ZBTB38: variants seen among roughly 807,000 people sequenced by gnomAD.
The protein encoded by ZBTB38 is zinc finger and BTB domain-containing protein 38.
A neutral mutation model predicts 76.8 loss-of-function variants in ZBTB38; 20 were observed. The ratio of observed to expected loss-of-function variants is 0.26; its 90% confidence interval spans 0.18 to 0.38. The LOEUF (loss-of-function observed/expected upper bound fraction) is 0.38, where lower values mean the gene tolerates loss of function less well. Among genes scored for constraint, ZBTB38 ranks in the 10% least tolerant of loss-of-function variants. The pLI is 1.00. For missense variants in ZBTB38, 1,082 were observed against 1,482.3 expected, an observed-to-expected ratio of 0.73 and a Z score of 4.43; for synonymous variants, 504 against 544.2, an observed-to-expected ratio of 0.93 and a Z score of 1.03.
intron 4 of ZBTB38, chr3:141,402,412 C>T (rs1952401147): frequency 6.6e-6 from 1 of 151,512 alleles, no homozygotes; most frequent in African/African-American, 2.4e-5. Flanking sequence ...ACCATGGACC[C>T]CCGGGGAAAC....
intron 2 of ZBTB38, among the ~76,000 whole-genome samples, chr3:141,378,724 G>A (rs1372999469): frequency 6.6e-6 from 1 of 152,048 alleles, no homozygotes; most frequent in Admixed American, 6.6e-5. Flanking sequence ...GCTGGCTTTG[G>A]CCGCACCCTC....
chr3:141,445,301 T>G lies in ZBTB38; in HGVS notation c.2913T>G (p.Phe971Leu), dbSNP rs1425185004. The G allele has an allele frequency of 1.2e-6, 2 of 1,614,090 alleles. No individual in the cohort carries two copies. The highest frequency in any genetic ancestry group is 1.7e-6 in the Non-Finnish European group (2 of 1,180,014). ...AVGKAPQDKP[F>L]EEEETKEMPK... ...GGAAGGCTCCTCAGGATAAACCCTT[T>G]GAGGAAGAAGAAACTAAAGAGATGC... The change falls in exon 6 of 6, where the codon TTT becomes TTG. Residue 971 changes from phenylalanine to leucine, a missense_variant. Around this residue, in one of 8 missense-constraint regions of ZBTB38, gnomAD observed 471 missense variants for 581.0 expected, o/e 0.81. Coordinates refer to ENST00000321464, the MANE Select transcript of ZBTB38 (RefSeq NM_001376113.1). The surrounding 1 kb of genome is among the most constrained non-coding windows in gnomAD (Gnocchi z 6.5).
chr3:141,436,495 C>T (rs929091648), intron 5 of ZBTB38, among the ~76,000 whole-genome samples: 12 of 151,904 alleles, frequency 7.9e-5, no homozygotes, highest in African/African-American at 2.4e-4. Flanking sequence ...TCAAAAAAAG[C>T]TATATTGATT....
intron 4 of ZBTB38, among the ~76,000 whole-genome samples, chr3:141,394,034 C>T (rs1407171469): frequency 1.5e-4 from 21 of 140,908 alleles, no homozygotes; most frequent in African/African-American, 4.6e-4. Context: ...TTTTTTGAAA[C>T]GGAGTCTTGT....
chr3:141,447,366 A>G lies in ZBTB38; in HGVS notation c.*1390A>G, dbSNP rs1458262908. 1 of 152,588 alleles carries G rather than the reference A, an allele frequency of 6.6e-6. No individual in the cohort carries two copies. The highest frequency in any genetic ancestry group is 1.9e-4 in the East Asian group (1 of 5,194). 9.5% of individuals were successfully genotyped at this position (152,588 alleles called of 1,614,324 possible). A position where few individuals can be genotyped will look rare whatever the true frequency, so the allele number is the denominator to read the frequency against. ...ATGCTCTGTCTTCATATTTGCAGACATCTAGACCCCTTGCTAAAAACCCAC... is the reference window on the plus strand; with the variant it reads ...ATGCTCTGTCTTCATATTTGCAGACGTCTAGACCCCTTGCTAAAAACCCAC... On this transcript the variant is annotated 3_prime_UTR_variant, in exon 6 of 6. Transcript: ENST00000321464.
Position 141,446,144 on chromosome 3 carries a change from GT to G in ZBTB38, c.*172del. On this transcript the variant is annotated 3_prime_UTR_variant, in exon 6 of 6. Coordinates refer to ENST00000321464, the MANE Select transcript of ZBTB38 (RefSeq NM_001376113.1). Reference sequence around the variant, plus strand: ...AAAAGGATCCTAATATCTACTTTGGGTTTTAGCATTAACTTTATGCAAAGTG... The same window carrying G: ...AAAAGGATCCTAATATCTACTTTGGGTTTAGCATTAACTTTATGCAAAGTG... The G allele has an allele frequency of 1.6e-6, 1 of 612,276 alleles. No individual in the cohort carries two copies. Among genetic ancestry groups the G allele is most frequent in the Non-Finnish European group, 2.5e-6 (1 of 396,448 alleles). The allele number at this position is 612,276 out of a possible 1,614,324, so 37.9% of individuals were successfully genotyped here.
intron 1 of ZBTB38, 54 bp from the exon 2 acceptor site, chr3:141,369,818 A>G (rs180748209): frequency 6.6e-6 from 1 of 152,286 alleles, no homozygotes; most frequent in East Asian, 1.9e-4. Context: ...ACACACTAAA[A>G]TATCTGTTTT....
At chr3:141,398,524 T>C (rs542891176) in intron 4 of ZBTB38, among the ~76,000 whole-genome samples, 7 of 152,310 alleles carry the variant, frequency 4.6e-5, no homozygotes, top group African/African-American at 1.7e-4. Flanking sequence ...TTTATTAACA[T>C]AACCTTTTAA....
chr3:141,332,053 T>G (rs1942872088), intron 1 of ZBTB38, among the ~76,000 whole-genome samples: 1 of 152,214 alleles, frequency 6.6e-6, no homozygotes, highest in Admixed American at 6.5e-5. Flanking sequence ...TTCTGACCCT[T>G]GGCCTTTCCT....
chr3:141,375,997 A>G (rs964543106), intron 2 of ZBTB38, among the ~76,000 whole-genome samples: 1 of 152,198 alleles, frequency 6.6e-6, no homozygotes, highest in Non-Finnish European at 1.5e-5. Flanking sequence ...TTATAGCAAC[A>G]AAAAACCATT....
chr3:141,445,542 A>G lies in ZBTB38; in HGVS notation c.3154A>G (p.Asn1052Asp). 1 of 1,614,236 alleles carries G rather than the reference A, an allele frequency of 6.2e-7. No homozygotes were observed. Among genetic ancestry groups the G allele is most frequent in the Non-Finnish European group, 8.5e-7 (1 of 1,180,050 alleles). ...TCGRCFSVQG[N>D]LQKHERIHLG... is the part of the protein sequence containing the mutation. ...CGGACGGTGCTTTTCGGTGCAAGGA[A>G]ACTTACAGAAACATGAACGCATCCA... The change falls in exon 6 of 6, where the codon AAC becomes GAC. Residue 1052 changes from asparagine (N) to aspartate (D), a missense_variant. By Grantham distance (23) the Asn-to-Asp change is conservative (BLOSUM62 1). Coordinates refer to ENST00000321464, the MANE Select transcript of ZBTB38 (RefSeq NM_001376113.1). The surrounding 1 kb of genome is among the most constrained non-coding windows in gnomAD (Gnocchi z 6.5).
intron 1 of ZBTB38, among the ~76,000 whole-genome samples, chr3:141,356,521 C>G (rs1310113268): frequency 1.3e-5 from 2 of 152,160 alleles, no homozygotes; most frequent in African/African-American, 4.8e-5. Context: ...CAATTCTGTA[C>G]TACATCTAAC....
intron 5 of ZBTB38, among the ~76,000 whole-genome samples, chr3:141,404,725 C>T (rs1384201783): frequency 1.3e-5 from 2 of 152,112 alleles, no homozygotes; most frequent in Non-Finnish European, 2.9e-5. Flanking sequence ...GAAGAATAGG[C>T]GTAAAGGATT....
At chr3:141,353,920 A>G (rs185819828) in intron 1 of ZBTB38, among the ~76,000 whole-genome samples, 53 of 152,280 alleles carry the variant, frequency 3.5e-4, no homozygotes, top group Non-Finnish European at 7.4e-4. Context: ...GCAGAACAAC[A>G]TGATCATCAG....
chr3:141,392,368 C>T (rs925803000), intron 4 of ZBTB38, among the ~76,000 whole-genome samples: 2 of 152,170 alleles, frequency 1.3e-5, no homozygotes, highest in African/African-American at 2.4e-5. Context: ...CTGCTATAAG[C>T]CAAGCAGAAT....
chr3:141,402,473 C>G (rs1320132317), intron 4 of ZBTB38: 3 of 149,808 alleles, frequency 2.0e-5, no homozygotes, highest in Admixed American at 2.0e-4. Flanking sequence ...GCAGGGTCTT[C>G]GCGGGGCCGG....
chr3:141,447,676 G>C lies in ZBTB38; in HGVS notation c.*1700G>C, dbSNP rs542274923. Reference sequence around the variant, plus strand: ...TATCGAAGATTGGAAGGTTATCATTGTGAAGAAGTAGCTCAAAGGACTCCG... The same window carrying C: ...TATCGAAGATTGGAAGGTTATCATTCTGAAGAAGTAGCTCAAAGGACTCCG... On this transcript the variant is annotated 3_prime_UTR_variant, in exon 6 of 6. Transcript: ENST00000321464. 2 of 152,246 alleles carry C rather than the reference G, an allele frequency of 1.3e-5. No individual in the cohort carries two copies. The highest frequency in any genetic ancestry group is 2.9e-5 in the Non-Finnish European group (2 of 68,040). The allele number at this position is 152,246 out of a possible 1,614,324, so 9.4% of individuals were successfully genotyped here.
intron 1 of ZBTB38, among the ~76,000 whole-genome samples, chr3:141,332,168 C>T (rs1336727798): frequency 1.3e-5 from 2 of 152,114 alleles, no homozygotes; most frequent in African/African-American, 4.8e-5. Context: ...TCATTCAGGG[C>T]TCTTGATGGC....
rs752028395 is a variant in ZBTB38 at position 141,443,743 on chromosome 3, A to C, written c.1355A>C (p.Lys452Thr). 2.5e-6 allele frequency: 4 copies of C among 1,613,832 alleles called. No individual in the cohort carries two copies. The highest frequency in any genetic ancestry group is 3.4e-6 in the Non-Finnish European group (4 of 1,180,052). Residue 452 changes from lysine to threonine, a missense_variant, in exon 6 of 6, where the codon AAA becomes ACA. Physicochemically the swap from Lys to Thr is moderately conservative, Grantham distance 78 (BLOSUM62 -1). Coordinates refer to ENST00000321464, the MANE Select transcript of ZBTB38 (RefSeq NM_001376113.1). This position sits in a 1 kb window ranked among gnomAD's most constrained non-coding sequence, Gnocchi z 5.6. ...STLPDTDHMV[K>T]FVNGQMLYSC... Reference sequence around the variant, plus strand: ...TTGCCAGACACGGACCACATGGTTAAATTTGTTAATGGGCAAATGCTCTAC... The same window carrying C: ...TTGCCAGACACGGACCACATGGTTACATTTGTTAATGGGCAAATGCTCTAC...
Sources: allele counts gnomAD v4.1 joint callset (sites outside exome capture counted in the v4.1 genomes callset), GRCh38; gene constraint gnomAD v4.1.1; regional missense constraint gnomAD v4.1.1; non-coding constraint Gnocchi (gnomAD v3.1); transcripts MANE v1.5; gene names NCBI Gene and HGNC (gene_info 2026-07-23, HGNC 2026-07-21).